The following COL22A1 variants were observed in gnomAD, a reference collection of about 807,000 sequenced individuals.
COL22A1 encodes the protein collagen type XXII alpha 1 chain.
COL22A1 carries 221 observed loss-of-function variants against 248.9 expected under a neutral mutation model. That is an observed-to-expected ratio of 0.89 (90% CI 0.80 to 0.99). The LOEUF is 0.99. COL22A1 is among the 50% of genes least tolerant of loss of function. COL22A1 has a pLI of 0.00. For missense variants in COL22A1, 2,240 were observed against 2,179.0 expected, an observed-to-expected ratio of 1.03 and a Z score of -0.56; for synonymous variants, 891 against 793.4, an observed-to-expected ratio of 1.12 and a Z score of -2.07.
intron 22 of COL22A1, among the ~76,000 whole-genome samples, chr8:138,748,260 G>A (rs1832292662): frequency 6.6e-6 from 1 of 152,140 alleles, no homozygotes; most frequent in Non-Finnish European, 1.5e-5. Context: ...GTCTTCCTCA[G>A]TCTCCACTGA....
intron 1 of COL22A1, among the ~76,000 whole-genome samples, chr8:138,900,699 C>G (rs547801471): frequency 2.2e-4 from 33 of 152,268 alleles, no homozygotes; most frequent in African/African-American, 7.9e-4. Flanking sequence ...TTTCACTATG[C>G]TTTGTGGTCT....
At chr8:138,780,234 TC>T (rs1375959516) in intron 13 of COL22A1, among the ~76,000 whole-genome samples, 2 of 152,106 alleles carry the variant, frequency 1.3e-5, no homozygotes, top group African/African-American at 2.4e-5. Context: ...TCCAAGTAAC[TC>T]CCCTTTCTCC....
Position 138,674,986 on chromosome 8 carries a change from G to A in COL22A1, c.3150+1572C>T, listed in dbSNP as rs866269276. On this transcript the variant is annotated intron_variant, in intron 41 of 64. Transcript: ENST00000303045. ...AGGTAAAATGAATGTAATGAAGTGG[G>A]CAGTTTTACCTGAGAATGTGTTTTA... is the stretch of plus-strand genomic sequence containing the variant. Among the ~76,000 whole-genome samples the A allele has an allele frequency of 3.3e-5, 5 of 152,306 alleles. No individual in the cohort carries two copies. In the South Asian group the frequency reaches 6.2e-4, roughly 19 times the overall value.
chr8:138,881,674 G>A (rs1330277536), intron 2 of COL22A1, among the ~76,000 whole-genome samples: 1 of 152,350 alleles, frequency 6.6e-6, no homozygotes, highest in Middle Eastern at 3.4e-3. Context: ...GACAGAGCGA[G>A]ACTCCGTCTC....
At chr8:138,679,719 G>A (rs1180631053) in intron 39 of COL22A1, 43 bp from the exon 40 acceptor site, 1 of 1,562,906 alleles carries the variant, frequency 6.4e-7, no homozygotes, top group Non-Finnish European at 8.8e-7. Context: ...CCAAACAAAT[G>A]TTTACCAAGC....
Position 138,800,222 on chromosome 8 carries a change from T to C in COL22A1, c.1557+2650A>G, listed in dbSNP as rs973610920. Among the ~76,000 whole-genome samples the C allele has an allele frequency of 1.7e-4, 26 of 152,290 alleles. No homozygotes were observed. The East Asian group carries it at 5.0e-3, about 30-fold the overall frequency. The stretch of plus-strand genomic sequence containing the variant: ...CACTGGGGAGCCTCCACTGTATGAC[T>C]GAGCTTGGAAAGGGTTGATCAGAAT... On this transcript the variant is annotated intron_variant, in intron 11 of 64. Coordinates refer to ENST00000303045, the MANE Select transcript of COL22A1 (RefSeq NM_152888.3).
intron 36 of COL22A1, among the ~76,000 whole-genome samples, chr8:138,689,195 G>T (rs77567511): frequency 4.0e-5 from 6 of 151,780 alleles, no homozygotes; most frequent in Non-Finnish European, 8.8e-5. Flanking sequence ...GCACATCAGA[G>T]CTCTTAACAG....
At chr8:138,755,854 A>T (rs1400674992) in intron 18 of COL22A1, 25 bp from the exon 19 acceptor site, 1 of 1,611,348 alleles carries the variant, frequency 6.2e-7, no homozygotes, top group South Asian at 1.1e-5. Context: ...CAAACATTTC[A>T]GCATAGTTAC....
chr8:138,783,330 C>T (rs1037308858), intron 12 of COL22A1, among the ~76,000 whole-genome samples: 1 of 151,796 alleles, frequency 6.6e-6, no homozygotes, highest in Non-Finnish European at 1.5e-5. Flanking sequence ...TATTAACTAA[C>T]AACAAGATCA....
At chr8:138,634,950 T>C (rs184514778) in intron 49 of COL22A1, 60 bp downstream of exon 49, 1 of 1,110,306 alleles carries the variant, frequency 9.0e-7, no homozygotes, top group South Asian at 1.3e-5. Flanking sequence ...GCCTGGTGAG[T>C]TGAGATGTGC....
rs545551660 is a variant in COL22A1 at position 138,594,331 on chromosome 8, A to T, written c.4433-132T>A. On this transcript the variant is annotated intron_variant, in intron 62 of 64. Transcript: ENST00000303045. ...GAAACGGACATAGGACAGGATGGCT[A>T]CTCACTGACAACTCAGAACCAAGGG... 1.3e-4 allele frequency: 86 copies of T among 675,318 alleles called. 1 individual carries two copies. In the South Asian group the frequency reaches 1.9e-3, roughly 15 times the overall value. 41.8% of individuals were successfully genotyped at this position (675,318 alleles called of 1,614,324 possible). A position where few individuals can be genotyped will look rare whatever the true frequency, so the allele number is the denominator to read the frequency against.
intron 25 of COL22A1, chr8:138,722,331 C>T: frequency 1.9e-6 from 1 of 537,060 alleles, no homozygotes; most frequent in Admixed American, 3.6e-5. Context: ...AGTACACTGG[C>T]CATGCATGGA....
At position 138,605,889 on chromosome 8, in the gene COL22A1, C is replaced by T. The variant is rs570544137; in HGVS notation, c.4104+492G>A. ...CTACCACATGGCTTTGAGTAAATCA[C>T]TTACATGTTCTGACCCTACGGCTCA... On this transcript the variant is annotated intron_variant, in intron 58 of 64. Coordinates refer to ENST00000303045, the MANE Select transcript of COL22A1 (RefSeq NM_152888.3). 2.0e-5 allele frequency among the ~76,000 whole-genome samples: 3 copies of T among 152,324 alleles called. No individual in the cohort carries two copies. In the East Asian group the frequency reaches 5.8e-4, roughly 29 times the overall value.
chr8:138,689,592 G>A (rs1826658250), intron 36 of COL22A1, among the ~76,000 whole-genome samples: 1 of 152,152 alleles, frequency 6.6e-6, no homozygotes, highest in Non-Finnish European at 1.5e-5. Flanking sequence ...GCACGCCCCT[G>A]TAATCCTAGC....
chr8:138,611,668 T>A (rs1458689800), intron 56 of COL22A1, among the ~76,000 whole-genome samples: 1 of 152,266 alleles, frequency 6.6e-6, no homozygotes, highest in African/African-American at 2.4e-5. Flanking sequence ...AATCAGTGTT[T>A]TCCCCGTGGG....
intron 41 of COL22A1, among the ~76,000 whole-genome samples, chr8:138,674,713 G>A (rs902421916): frequency 6.6e-6 from 1 of 152,136 alleles, no homozygotes; most frequent in Admixed American, 6.5e-5. Flanking sequence ...ACAGGGTCAC[G>A]TAGAACCCTG....
At chr8:138,602,289 C>A in intron 59 of COL22A1, 130 bp from the exon 60 acceptor site, 1 of 905,986 alleles carries the variant, frequency 1.1e-6, no homozygotes, top group South Asian at 1.6e-5. Context: ...CCCCCGAGGG[C>A]TCCTTTCTGA....
At chr8:138,631,685 C>T (rs1365721436) in intron 49 of COL22A1, among the ~76,000 whole-genome samples, 6 of 34,882 alleles carry the variant, frequency 1.7e-4, no homozygotes, top group African/African-American at 6.5e-4. Context: ...TCTAGTCCCT[C>T]ACATATGCAC....
chr8:138,599,568 T>A (rs569411656), intron 60 of COL22A1, among the ~76,000 whole-genome samples: 25 of 152,018 alleles, frequency 1.6e-4, no homozygotes, highest in East Asian at 9.7e-4. Flanking sequence ...AAATTTTTTT[T>A]AAAAAAACTA....
Sources: allele counts gnomAD v4.1 joint callset (sites outside exome capture counted in the v4.1 genomes callset), GRCh38; gene constraint gnomAD v4.1.1; transcripts MANE v1.5; gene names NCBI Gene and HGNC (gene_info 2026-07-23, HGNC 2026-07-21).